The following PCDHGB2 variants were observed in gnomAD, a reference collection of about 807,000 sequenced individuals.
The protein encoded by PCDHGB2 is protocadherin gamma-B2.
In PCDHGB2, 55 loss-of-function variants were observed where a neutral mutation model predicts 59.3. That is an observed-to-expected ratio of 0.93 (90% CI 0.75 to 1.16). PCDHGB2 has a LOEUF of 1.16. Ranked by LOEUF, PCDHGB2 falls within the 50% of genes most tolerant of loss-of-function variation. The pLI is 0.00. For missense variants in PCDHGB2, 1,228 were observed against 1,198.5 expected, an observed-to-expected ratio of 1.02 and a Z score of -0.36; for synonymous variants, 516 against 512.0, an observed-to-expected ratio of 1.01 and a Z score of -0.11.
intron 1 of PCDHGB2, chr5:141,404,042 A>G: frequency 3.1e-6 from 5 of 1,613,892 alleles, no homozygotes; most frequent in Non-Finnish European, 4.2e-6. Context: ...ACCTCAGGGA[A>G]CAGTAATTCT....
chr5:141,489,563 T>C lies in PCDHGB2; in HGVS notation c.2422-5244T>C, dbSNP rs2099689031. ...ACCAGCTGCCTGCTGCCAGTGCAGG[T>C]GGTGACTGAACACCCCCTGGAGCTA... On this transcript the variant is annotated intron_variant, in intron 1 of 3. Coordinates refer to ENST00000522605, the MANE Select transcript of PCDHGB2 (RefSeq NM_018923.3). The surrounding 1 kb of genome is among the most constrained non-coding windows in gnomAD (Gnocchi z 4.5). 13 of 1,614,006 alleles carry C rather than the reference T, an allele frequency of 8.1e-6. No homozygotes were observed. The highest frequency in any genetic ancestry group is 1.1e-5 in the Non-Finnish European group (13 of 1,179,976).
At chr5:141,461,302 T>A (rs1009664719) in intron 1 of PCDHGB2, among the ~76,000 whole-genome samples, 3 of 152,142 alleles carry the variant, frequency 2.0e-5, no homozygotes. Flanking sequence ...CAACATCTAT[T>A]GTTTTTTGAC....
intron 1 of PCDHGB2, among the ~76,000 whole-genome samples, chr5:141,438,793 C>T (rs982191766): frequency 2.7e-5 from 4 of 149,544 alleles, no homozygotes; most frequent in African/African-American, 7.4e-5. Context: ...TCTCCAGTAG[C>T]TGGGATTACA....
intron 1 of PCDHGB2, among the ~76,000 whole-genome samples, chr5:141,429,781 A>G (rs2097245343): frequency 1.3e-5 from 2 of 152,186 alleles, no homozygotes; most frequent in Non-Finnish European, 2.9e-5. Context: ...TGGGCTTCCA[A>G]AAGTATTACC....
chr5:141,488,939 T>C (rs1229571704), intron 1 of PCDHGB2, among the ~76,000 whole-genome samples: 1 of 152,114 alleles, frequency 6.6e-6, no homozygotes, highest in Non-Finnish European at 1.5e-5. Context: ...GGAAACTCCA[T>C]AATTGGTTGA....
rs3074541 is a variant in PCDHGB2 at position 141,433,358 on chromosome 5, CCTATCTATCTATCTATCTATCTAT to C, written c.2422-61424_2422-61401del. 6 of 503,934 alleles carry C rather than the reference CCTATCTATCTATCTATCTATCTAT, an allele frequency of 1.2e-5. No homozygotes were observed. In the Admixed American group the frequency reaches 1.5e-4, roughly 12 times the overall value. The allele number at this position is 503,934 out of a possible 1,614,324, so 31.2% of individuals were successfully genotyped here. ...ACAGGTGCAAGCCACCTACTGTCTG[CCTATCTATCTATCTATCTATCTAT>C]CTATCTATCTATCTATCTATCTATT... On this transcript the variant is annotated intron_variant, in intron 1 of 3. Transcript: ENST00000522605.
At chr5:141,383,300 T>C in intron 1 of PCDHGB2, 1 of 1,613,968 alleles carries the variant, frequency 6.2e-7, no homozygotes, top group Non-Finnish European at 8.5e-7. Context: ...CCAAGATTCT[T>C]GACGGAAGAA....
At chr5:141,452,046 T>C (rs767493861) in intron 1 of PCDHGB2, among the ~76,000 whole-genome samples, 1 of 152,242 alleles carries the variant, frequency 6.6e-6, no homozygotes, top group Non-Finnish European at 1.5e-5. Context: ...TAACTCCATT[T>C]GTAATAACTT....
intron 1 of PCDHGB2, chr5:141,412,954 C>A (rs2095592297): frequency 2.1e-6 from 1 of 482,442 alleles, no homozygotes; most frequent in Non-Finnish European, 3.6e-6. Flanking sequence ...CGCCGCTGTT[C>A]ACCTACTAGG....
At chr5:141,504,634 AG>A (rs2099839600) in intron 2 of PCDHGB2, among the ~76,000 whole-genome samples, 1 of 115,756 alleles carries the variant, frequency 8.6e-6, no homozygotes, top group Non-Finnish European at 1.7e-5. Context: ...ACCTTGGAAA[AG>A]GTTTGATGAT....
intron 1 of PCDHGB2, chr5:141,364,295 A>G: frequency 6.6e-7 from 1 of 1,520,404 alleles, no homozygotes; most frequent in South Asian, 1.3e-5. Context: ...AGCAGGCTGA[A>G]CCAGAACTAA....
At chr5:141,399,037 G>A (rs756325508) in intron 1 of PCDHGB2, 2 of 1,613,856 alleles carry the variant, frequency 1.2e-6, no homozygotes, top group African/African-American at 2.7e-5. Context: ...AAAGAAACTG[G>A]ATTTTGAAGA....
chr5:141,374,336 G>A, intron 1 of PCDHGB2: 1 of 1,614,008 alleles, frequency 6.2e-7, no homozygotes, highest in Non-Finnish European at 8.5e-7. Context: ...CGGCAGCTTG[G>A]TCACCGCGGG....
At chr5:141,399,911 G>T in intron 1 of PCDHGB2, 1 of 1,612,384 alleles carries the variant, frequency 6.2e-7, no homozygotes. Flanking sequence ...GCAGACTCAG[G>T]ACACAACGCC....
chr5:141,374,569 G>A, intron 1 of PCDHGB2: 2 of 1,613,666 alleles, frequency 1.2e-6, no homozygotes, highest in African/African-American at 1.3e-5. Context: ...ACCCTGATGT[G>A]GGAATGAACT....
intron 1 of PCDHGB2, chr5:141,423,607 A>T (rs777606404): frequency 6.2e-7 from 1 of 1,612,176 alleles, no homozygotes; most frequent in Admixed American, 1.7e-5. Flanking sequence ...GCCACTCTTG[A>T]TAGCTGAAGA....
intron 1 of PCDHGB2, chr5:141,378,164 A>G (rs772489747): frequency 6.6e-6 from 1 of 152,258 alleles, no homozygotes; most frequent in African/African-American, 2.4e-5. Context: ...GTTGTTAACA[A>G]TAACTAAGCA....
chr5:141,432,600 C>T lies in PCDHGB2; in HGVS notation c.2422-62207C>T, dbSNP rs901310090. The T allele has an allele frequency of 1.9e-6, 3 of 1,613,832 alleles. No individual in the cohort carries two copies. The East Asian group carries it at 6.7e-5, about 36-fold the overall frequency. ...TACCGTCTGCTCAAGGCCAGCGAGCCGGGACTCTTCTCGGTGGGTCTGCAC... is the reference window on the plus strand; with the variant it reads ...TACCGTCTGCTCAAGGCCAGCGAGCTGGGACTCTTCTCGGTGGGTCTGCAC... On this transcript the variant is annotated intron_variant, in intron 1 of 3. Transcript: ENST00000522605. The surrounding 1 kb of genome is among the most constrained non-coding windows in gnomAD (Gnocchi z 6.0).
In PCDHGB2 at chr5:141,494,849, A is replaced by C; in HGVS notation, c.2464A>C (p.Arg822=). ...NTDWRFSQAQ[R]PGTSGSQNGD... ...GGACTGGCGTTTCTCTCAGGCCCAG[A>C]GACCCGGCACCAGCGGGTAGGTGAC... Residue 822 remains arginine, a synonymous_variant, in exon 2 of 4, where the codon AGA becomes CGA. Transcript: ENST00000522605. 1 of 1,614,102 alleles carries C rather than the reference A, an allele frequency of 6.2e-7. No individual in the cohort carries two copies. Among genetic ancestry groups the C allele is most frequent in the Non-Finnish European group, 8.5e-7 (1 of 1,180,014 alleles).
Sources: allele counts gnomAD v4.1 joint callset (sites outside exome capture counted in the v4.1 genomes callset), GRCh38; gene constraint gnomAD v4.1.1; non-coding constraint Gnocchi (gnomAD v3.1); transcripts MANE v1.5; gene names NCBI Gene and HGNC (gene_info 2026-07-23, HGNC 2026-07-21).